CACNG2: variants seen among roughly 807,000 people sequenced by gnomAD.
The protein encoded by CACNG2 is voltage-dependent calcium channel gamma-2 subunit.
CACNG2 carries 3 observed loss-of-function variants against 25.9 expected under a neutral mutation model. That is an observed-to-expected ratio of 0.12 (90% confidence interval 0.05 to 0.30). The LOEUF (loss-of-function observed/expected upper bound fraction) is 0.30, where lower values mean the gene tolerates loss of function less well. Ranked by LOEUF, CACNG2 falls within the 10% of genes least tolerant of loss-of-function variation. The probability of loss-of-function intolerance (pLI) is 1.00; values close to 1 mark genes in which losing one functional copy is unlikely to be tolerated. For missense variants in CACNG2, 341 were observed against 432.5 expected (o/e 0.79, Z 1.88); for synonymous variants, 167 against 173.3 (o/e 0.96, Z 0.29).
chr22:36,689,385 G>T lies in CACNG2; in HGVS notation c.211+12981C>A, dbSNP rs142127124. Among the ~76,000 whole-genome samples the T allele has an allele frequency of 9.9e-3, 1,501 of 152,244 alleles. 8 individuals are homozygous for T. The highest frequency in any genetic ancestry group is 0.014 in the Non-Finnish European group (959 of 68,004). ...CAGTAGACAAACAAATTCAGAGAACGTAAAATCCAACGAAGAAAATAAAAT... is the reference window on the plus strand; with the variant it reads ...CAGTAGACAAACAAATTCAGAGAACTTAAAATCCAACGAAGAAAATAAAAT... On this transcript the variant is annotated intron_variant, in intron 1 of 3. Coordinates refer to ENST00000300105, the MANE Select transcript of CACNG2 (RefSeq NM_006078.5).
At chr22:36,570,762 CA>C (rs11445356) in intron 2 of CACNG2, among the ~76,000 whole-genome samples, 4,788 of 64,092 alleles carry the variant, frequency 0.075, 62 homozygotes, top group Middle Eastern at 0.13. Flanking sequence ...GACTCCATCT[CA>C]AAAAAAAAAA....
intron 1 of CACNG2, among the ~76,000 whole-genome samples, chr22:36,670,110 A>G (rs991062884): frequency 6.6e-6 from 1 of 152,110 alleles, no homozygotes; most frequent in Non-Finnish European, 1.5e-5. Context: ...CCCCTTACAA[A>G]CTTCATTCAT....
intron 1 of CACNG2, among the ~76,000 whole-genome samples, chr22:36,680,959 T>C (rs990238577): frequency 3.3e-5 from 5 of 151,984 alleles, no homozygotes; most frequent in African/African-American, 1.2e-4. Context: ...CTCAGATTCT[T>C]TTCTTTTCCT....
chr22:36,613,154 C>CTG (rs199852721), intron 1 of CACNG2, among the ~76,000 whole-genome samples: 7,022 of 73,766 alleles, frequency 0.095, 299 homozygotes, highest in African/African-American at 0.15. Context: ...ATTACAGGCT[C>CTG]TCTGTGTGTG....
Position 36,574,012 on chromosome 22 carries a change from G to A in CACNG2, c.296-7519C>T, listed in dbSNP as rs547122647. 6.6e-5 allele frequency among the ~76,000 whole-genome samples: 10 copies of A among 152,258 alleles called. No individual in the cohort carries two copies. The South Asian group carries it at 1.9e-3, about 28-fold the overall frequency. ...AGGAGCCAGTGGAAGAGTGTGGGGA[G>A]CACTGAAGGGAGGAGCCAGTGGAGG... On this transcript the variant is annotated intron_variant, in intron 2 of 3. Transcript: ENST00000300105.
chr22:36,576,306 C>T (rs1935311797), intron 2 of CACNG2, among the ~76,000 whole-genome samples: 1 of 152,004 alleles, frequency 6.6e-6, no homozygotes, highest in Non-Finnish European at 1.5e-5. Flanking sequence ...TGTTCTCACT[C>T]ATAAGTGGGA....
intron 1 of CACNG2, among the ~76,000 whole-genome samples, chr22:36,603,669 C>G (rs554442157): frequency 3.6e-4 from 55 of 152,326 alleles, no homozygotes; most frequent in African/African-American, 1.3e-3. Context: ...TATGCTAAAT[C>G]TACTCTACCT....
intron 2 of CACNG2, among the ~76,000 whole-genome samples, chr22:36,567,918 C>T (rs540692917): frequency 1.2e-4 from 18 of 152,188 alleles, no homozygotes; most frequent in Middle Eastern, 3.4e-3. Flanking sequence ...GGTGCAATCT[C>T]GGCTCACTGC....
chr22:36,694,071 C>G (rs545982180), intron 1 of CACNG2, among the ~76,000 whole-genome samples: 8 of 152,196 alleles, frequency 5.3e-5, no homozygotes, highest in Non-Finnish European at 1.0e-4. Flanking sequence ...ACATTCTGCT[C>G]TATGCTGCTT....
Position 36,653,692 on chromosome 22 carries a change from A to G in CACNG2, c.211+48674T>C, listed in dbSNP as rs575437101. On this transcript the variant is annotated intron_variant, in intron 1 of 3. Coordinates refer to ENST00000300105, the MANE Select transcript of CACNG2 (RefSeq NM_006078.5). ...GCAGAGGCCACAGGTGTCTGCAGAC[A>G]TGGAAGGCTCTGGAATCTCTGGGAA... 2.0e-4 allele frequency among the ~76,000 whole-genome samples: 30 copies of G among 152,188 alleles called. No individual in the cohort carries two copies. In the South Asian group the frequency reaches 4.8e-3, roughly 24 times the overall value.
intron 1 of CACNG2, among the ~76,000 whole-genome samples, chr22:36,679,834 G>A (rs1408364404): frequency 6.6e-6 from 1 of 152,132 alleles, no homozygotes; most frequent in Non-Finnish European, 1.5e-5. Flanking sequence ...CTAAAATGAA[G>A]TAATACACGT....
At chr22:36,642,301 A>G (rs1473353029) in intron 1 of CACNG2, among the ~76,000 whole-genome samples, 1 of 152,220 alleles carries the variant, frequency 6.6e-6, no homozygotes. Flanking sequence ...GAGGGTTTGG[A>G]AACTGTGTTA....
chr22:36,638,196 C>T (rs865955221), intron 1 of CACNG2, among the ~76,000 whole-genome samples: 4 of 152,164 alleles, frequency 2.6e-5, no homozygotes, highest in African/African-American at 9.7e-5. Context: ...CAGGCGACTC[C>T]CATTGGGATG....
intron 1 of CACNG2, among the ~76,000 whole-genome samples, chr22:36,590,014 G>T (rs1935562353): frequency 6.6e-6 from 1 of 152,208 alleles, no homozygotes; most frequent in Non-Finnish European, 1.5e-5. Context: ...CTGTGCAGGA[G>T]TGAGGCTCAG....
intron 1 of CACNG2, among the ~76,000 whole-genome samples, chr22:36,621,430 C>T (rs890166307): frequency 1.3e-5 from 2 of 152,072 alleles, no homozygotes; most frequent in South Asian, 2.1e-4. Flanking sequence ...ATTAGCCAGG[C>T]ATGGAGGCAC....
intron 1 of CACNG2, among the ~76,000 whole-genome samples, chr22:36,644,766 C>T (rs1936493504): frequency 6.6e-6 from 1 of 152,162 alleles, no homozygotes; most frequent in Non-Finnish European, 1.5e-5. Flanking sequence ...GTGCTTAAAA[C>T]AGCGCCTGGT....
chr22:36,605,376 C>T (rs1053360124), intron 1 of CACNG2, among the ~76,000 whole-genome samples: 2 of 152,180 alleles, frequency 1.3e-5, no homozygotes, highest in African/African-American at 2.4e-5. Context: ...TGCCCGGCCC[C>T]AACATAACTT....
At chr22:36,650,636 C>A (rs1455840127) in intron 1 of CACNG2, among the ~76,000 whole-genome samples, 1 of 152,192 alleles carries the variant, frequency 6.6e-6, no homozygotes, top group African/African-American at 2.4e-5. Context: ...CCTGGCCTCC[C>A]AAAGTGCTAG....
At chr22:36,615,343 C>T (rs1298908246) in intron 1 of CACNG2, among the ~76,000 whole-genome samples, 2 of 152,152 alleles carry the variant, frequency 1.3e-5, no homozygotes, top group Non-Finnish European at 2.9e-5. Flanking sequence ...ACCTGCAGGG[C>T]CCTTCTTGGT....
Sources: allele counts gnomAD v4.1 joint callset (sites outside exome capture counted in the v4.1 genomes callset), GRCh38; gene constraint gnomAD v4.1.1; transcripts MANE v1.5; gene names NCBI Gene and HGNC (gene_info 2026-07-23, HGNC 2026-07-21).